Variants in RNF38 observed in about 807,000 individuals in gnomAD.
RNF38 encodes the protein E3 ubiquitin-protein ligase RNF38.
A neutral mutation model predicts 67.2 loss-of-function variants in RNF38; 15 were observed. The observed-to-expected ratio is 0.22, with a 90% CI of 0.15 to 0.34. RNF38 has a LOEUF of 0.34. Among genes scored for constraint, RNF38 ranks in the 10% least tolerant of loss-of-function variants. The probability of loss-of-function intolerance (pLI) is 1.00; values close to 1 mark genes in which losing one functional copy is unlikely to be tolerated. For missense variants in RNF38, 524 were observed against 639.9 expected (o/e 0.82, Z 1.95); for synonymous variants, 220 against 218.8 (o/e 1.01, Z -0.05).
At chr9:36,343,515 C>A (rs1156433301) in intron 10 of RNF38, among the ~76,000 whole-genome samples, 1 of 152,056 alleles carries the variant, frequency 6.6e-6, no homozygotes, top group African/African-American at 2.4e-5. Flanking sequence ...CACTCAAGAT[C>A]ATTAGCCATC....
At chr9:36,477,695 C>T (rs111335602) in intron 1 of RNF38, among the ~76,000 whole-genome samples, 27 of 151,340 alleles carry the variant, frequency 1.8e-4, no homozygotes, top group Admixed American at 4.0e-4. Flanking sequence ...TGGTGGGGGG[C>T]GCCTGTAGTC....
At chr9:36,487,658 C>G (rs1840454907), upstream of RNF38, 7 of 845,150 alleles carry the variant, frequency 8.3e-6, no homozygotes, top group South Asian at 2.6e-4. Context: ...GCGACGGAGG[C>G]GGCTCCCGAA....
At chr9:36,468,258 A>G (rs1452606549) in intron 1 of RNF38, among the ~76,000 whole-genome samples, 1 of 151,114 alleles carries the variant, frequency 6.6e-6, no homozygotes, top group African/African-American at 2.4e-5. Flanking sequence ...AAAAAAAAAA[A>G]GGCAGAACAA....
intron 1 of RNF38, among the ~76,000 whole-genome samples, chr9:36,472,442 T>C (rs1451662803): frequency 6.6e-6 from 1 of 152,216 alleles, no homozygotes; most frequent in Non-Finnish European, 1.5e-5. Context: ...TTTCTTCAAG[T>C]GTATTTCATG....
chr9:36,409,046 G>A (rs1461639629), intron 2 of RNF38, among the ~76,000 whole-genome samples: 2 of 152,140 alleles, frequency 1.3e-5, no homozygotes, highest in Non-Finnish European at 2.9e-5. Context: ...AATTAGCCGA[G>A]TGTGGTGGTG....
chr9:36,351,895 G>A (rs1833716766), intron 8 of RNF38, among the ~76,000 whole-genome samples: 1 of 152,192 alleles, frequency 6.6e-6, no homozygotes, highest in African/African-American at 2.4e-5. Flanking sequence ...TAGAGCCTGA[G>A]AGGCCACCTT....
chr9:36,479,857 AG>A (rs1430277105), intron 1 of RNF38, among the ~76,000 whole-genome samples: 2 of 152,178 alleles, frequency 1.3e-5, no homozygotes, highest in Non-Finnish European at 2.9e-5. Context: ...CCTAGCACTT[AG>A]GGAAGTCAAG....
chr9:36,455,428 A>G (rs1476803608), intron 1 of RNF38, among the ~76,000 whole-genome samples: 2 of 152,176 alleles, frequency 1.3e-5, no homozygotes, highest in Admixed American at 6.5e-5. Context: ...TAAGCACAAC[A>G]CTAAAAGGAG....
In RNF38 at chr9:36,376,062, T is replaced by A; in HGVS notation, c.228A>T (p.Ala76=). 6.2e-7 allele frequency: 1 copy of A among 1,613,476 alleles called. No individual in the cohort carries two copies. Among genetic ancestry groups the A allele is most frequent in the Non-Finnish European group, 8.5e-7 (1 of 1,179,832 alleles). The part of the protein sequence containing the change: ...LSHSVFDYTS[A]SPAPSPPMRP... ...GCATTGGTGGTGAGGGAGCTGGTGA[T>A]GCTGATGTATAATCAAAGACTGAAT... The change falls in exon 3 of 12, where the codon GCA becomes GCT. Residue 76 remains alanine (A), a synonymous_variant. Transcript: ENST00000259605.
intron 1 of RNF38, among the ~76,000 whole-genome samples, chr9:36,427,896 G>A (rs1482158353): frequency 6.6e-6 from 1 of 151,242 alleles, no homozygotes; most frequent in East Asian, 2.0e-4. Context: ...TTTTAGTAGA[G>A]ACAGGGTATC....
intron 1 of RNF38, among the ~76,000 whole-genome samples, chr9:36,429,172 T>A (rs141505388): frequency 6.8e-4 from 104 of 152,264 alleles, no homozygotes; most frequent in African/African-American, 2.4e-3. Flanking sequence ...AATAGTAACA[T>A]GTGTACATAA....
intron 1 of RNF38, among the ~76,000 whole-genome samples, chr9:36,459,238 C>T (rs1385777820): frequency 2.6e-5 from 4 of 151,818 alleles, no homozygotes; most frequent in Non-Finnish European, 5.9e-5. Context: ...TAAAGATTGC[C>T]CTCCACAGCT....
In RNF38 at chr9:36,448,727, G is replaced by A. The variant is rs577858744; in HGVS notation, n.242-24044C>T. ...AGGTTGAAACAGACCCAAATGGGCC[G>A]GGCGCGGTGGCTCAGCCTGTAATCT... On this transcript the variant is annotated intron_variant and non_coding_transcript_variant, in intron 1 of 3. Coordinates refer to the RNF38 transcript ENST00000488058. Among the ~76,000 whole-genome samples the A allele has an allele frequency of 2.0e-4, 30 of 152,266 alleles. No individual in the cohort carries two copies. In the South Asian group the frequency reaches 4.8e-3, roughly 24 times the overall value.
At chr9:36,382,335 G>C (rs895752815) in intron 2 of RNF38, among the ~76,000 whole-genome samples, 1 of 152,108 alleles carries the variant, frequency 6.6e-6, no homozygotes, top group Non-Finnish European at 1.5e-5. Context: ...GGAAGGAAAG[G>C]CAGGTTTTAT....
intron 2 of RNF38, among the ~76,000 whole-genome samples, chr9:36,389,016 G>T (rs945370773): frequency 1.3e-4 from 20 of 152,094 alleles, no homozygotes; most frequent in Non-Finnish European, 2.4e-4. Flanking sequence ...TTGTGAGAAA[G>T]ATCTACTTTG....
chr9:36,485,837 A>C (rs925059242), intron 1 of RNF38, among the ~76,000 whole-genome samples: 1 of 152,152 alleles, frequency 6.6e-6, no homozygotes, highest in African/African-American at 2.4e-5. Flanking sequence ...CTTCCAAGAC[A>C]ATACTCCAGG....
chr9:36,417,580 C>T (rs1033897247), intron 2 of RNF38, among the ~76,000 whole-genome samples: 11 of 152,112 alleles, frequency 7.2e-5, no homozygotes, highest in Non-Finnish European at 1.6e-4. Flanking sequence ...GGTGCAATCT[C>T]GGTTCAATAC....
chr9:36,374,600 C>A (rs550158107), intron 3 of RNF38, among the ~76,000 whole-genome samples: 13 of 152,258 alleles, frequency 8.5e-5, no homozygotes, highest in Admixed American at 2.6e-4. Context: ...TCAGATTCGC[C>A]CGTCTCAGCC....
intron 1 of RNF38, among the ~76,000 whole-genome samples, chr9:36,392,221 C>A (rs1378944336): frequency 6.6e-6 from 1 of 152,078 alleles, no homozygotes; most frequent in Non-Finnish European, 1.5e-5. Flanking sequence ...GATAACTGTG[C>A]CCACTGGTAA....
Sources: allele counts gnomAD v4.1 joint callset (sites outside exome capture counted in the v4.1 genomes callset), GRCh38; gene constraint gnomAD v4.1.1; transcripts MANE v1.5; gene names NCBI Gene and HGNC (gene_info 2026-07-23, HGNC 2026-07-21).